Variants in SPATA17 observed in about 807,000 individuals in gnomAD.
The protein encoded by SPATA17 is spermatogenesis-associated protein 17.
SPATA17 carries 53 observed loss-of-function variants against 62.2 expected under a neutral mutation model. That is an observed-to-expected ratio of 0.85 (90% CI 0.68 to 1.07). The LOEUF (loss-of-function observed/expected upper bound fraction) is 1.07. Ranked by LOEUF, SPATA17 falls within the 50% of genes least tolerant of loss-of-function variation. The pLI is 0.00. For synonymous variants in SPATA17, 146 were observed against 146.8 expected (o/e 0.99, Z 0.04); for missense variants, 466 against 425.5 (o/e 1.10, Z -0.84).
At chr1:217,797,080 A>T (rs994607823) in intron 8 of SPATA17, among the ~76,000 whole-genome samples, 1 of 152,164 alleles carries the variant, frequency 6.6e-6, no homozygotes, top group Admixed American at 6.5e-5. Context: ...ATTGTTGCCA[A>T]ATAATTTGTA....
intron 9 of SPATA17, among the ~76,000 whole-genome samples, chr1:217,849,480 CA>C (rs1675597156): frequency 6.6e-6 from 1 of 151,950 alleles, no homozygotes; most frequent in Non-Finnish European, 1.5e-5. Flanking sequence ...ATTTAGTTCA[CA>C]AAACTTTGTT....
chr1:217,654,822 C>T (rs1670400698), intron 3 of SPATA17, among the ~76,000 whole-genome samples: 1 of 151,612 alleles, frequency 6.6e-6, no homozygotes, highest in Admixed American at 6.6e-5. Flanking sequence ...AAGCGATTCT[C>T]CTGCCTCAGC....
At chr1:217,745,605 A>C (rs1672730190) in intron 6 of SPATA17, among the ~76,000 whole-genome samples, 1 of 152,144 alleles carries the variant, frequency 6.6e-6, no homozygotes. Context: ...ACTAAGATTT[A>C]ATAAATATAA....
intron 4 of SPATA17, among the ~76,000 whole-genome samples, chr1:217,673,239 A>G (rs1441904779): frequency 1.3e-5 from 2 of 152,154 alleles, no homozygotes; most frequent in African/African-American, 2.4e-5. Flanking sequence ...CTCAAGTATC[A>G]TAACACACAC....
chr1:217,817,784 A>T (rs1674759789), intron 9 of SPATA17, among the ~76,000 whole-genome samples: 1 of 152,090 alleles, frequency 6.6e-6, no homozygotes, highest in African/African-American at 2.4e-5. Context: ...GCTGTTGGCC[A>T]CATCTTGCCG....
intron 5 of SPATA17, chr1:217,737,764 T>G (rs1672542367): frequency 6.6e-6 from 1 of 151,924 alleles, no homozygotes; most frequent in Non-Finnish European, 1.5e-5. Context: ...CCTGCAGTCC[T>G]GGCCACTGCT....
At chr1:217,819,193 A>T (rs61825857) in intron 9 of SPATA17, among the ~76,000 whole-genome samples, 4,811 of 150,980 alleles carry the variant, frequency 0.032, 111 homozygotes, top group Middle Eastern at 0.065. Context: ...TTTTTTTCTC[A>T]CAGTGACTTT....
intron 6 of SPATA17, among the ~76,000 whole-genome samples, chr1:217,763,794 G>T (rs1047174103): frequency 2.0e-5 from 3 of 152,096 alleles, no homozygotes; most frequent in Admixed American, 2.0e-4. Flanking sequence ...AATAGAACTC[G>T]TTAGTGGGTT....
At chr1:217,810,052 T>C (rs1674547808) in intron 9 of SPATA17, among the ~76,000 whole-genome samples, 1 of 152,198 alleles carries the variant, frequency 6.6e-6, no homozygotes, top group Non-Finnish European at 1.5e-5. Context: ...ATTAAGCTGC[T>C]TCAGAGTAAG....
chr1:217,719,949 A>C (rs1216202423), intron 5 of SPATA17, among the ~76,000 whole-genome samples: 2 of 152,194 alleles, frequency 1.3e-5, no homozygotes, highest in Non-Finnish European at 2.9e-5. Context: ...GGTGGTGCAG[A>C]TGGGCTGGAA....
At chr1:217,708,871 G>T (rs1671795707) in intron 5 of SPATA17, among the ~76,000 whole-genome samples, 2 of 151,912 alleles carry the variant, frequency 1.3e-5, no homozygotes, top group Admixed American at 6.6e-5. Context: ...TGCAAGGTAG[G>T]TTCAACATAC....
At chr1:217,647,615 G>A (rs1347770375) in intron 1 of SPATA17, among the ~76,000 whole-genome samples, 1 of 152,202 alleles carries the variant, frequency 6.6e-6, no homozygotes, top group Non-Finnish European at 1.5e-5. Context: ...ATTGTAGTCT[G>A]GGAAGTCAGG....
At chr1:217,835,551 G>A (rs555536661) in intron 9 of SPATA17, among the ~76,000 whole-genome samples, 5 of 152,188 alleles carry the variant, frequency 3.3e-5, no homozygotes, top group East Asian at 3.9e-4. Context: ...TTGAATAACC[G>A]TAGTGCATTG....
chr1:217,705,829 G>T (rs1671721073), intron 5 of SPATA17, among the ~76,000 whole-genome samples: 1 of 152,108 alleles, frequency 6.6e-6, no homozygotes, highest in Non-Finnish European at 1.5e-5. Context: ...GTATGTCCTA[G>T]GTTATCTTCC....
chr1:217,743,282 A>T (rs1232526457), intron 6 of SPATA17, among the ~76,000 whole-genome samples: 2 of 152,078 alleles, frequency 1.3e-5, no homozygotes, highest in African/African-American at 4.8e-5. Context: ...TTAACTTTTC[A>T]TTATAAAATC....
intron 3 of SPATA17, among the ~76,000 whole-genome samples, chr1:217,654,229 C>T (rs907614311): frequency 2.0e-5 from 3 of 151,740 alleles, no homozygotes; most frequent in African/African-American, 2.4e-5. Flanking sequence ...CCTCTGCCTC[C>T]CTGATTCAAA....
intron 3 of SPATA17, 24 bp downstream of exon 3, chr1:217,651,202 T>G: frequency 6.5e-7 from 1 of 1,531,218 alleles, no homozygotes; most frequent in Non-Finnish European, 8.9e-7. Context: ...GTACATATGT[T>G]AGCATTTGAA....
At chr1:217,633,007 G>A (rs1281941275) in intron 1 of SPATA17, among the ~76,000 whole-genome samples, 4 of 151,924 alleles carry the variant, frequency 2.6e-5, no homozygotes, top group Admixed American at 1.3e-4. Context: ...AGACCAGACT[G>A]GCCAACATGG....
At chr1:217,763,959 G>C (rs974753683) in intron 6 of SPATA17, among the ~76,000 whole-genome samples, 3 of 152,134 alleles carry the variant, frequency 2.0e-5, no homozygotes, top group Admixed American at 2.0e-4. Context: ...TTGATAGGAA[G>C]TCACAGAAAT....
Sources: gnomAD v4.1 joint callset for allele counts (sites outside exome capture counted in the v4.1 genomes callset) on GRCh38, gnomAD v4.1.1 for gene constraint, MANE v1.5 for transcripts, NCBI Gene and HGNC (gene_info 2026-07-23, HGNC 2026-07-21) for gene names.